MAPK14: variants seen among roughly 807,000 people sequenced by gnomAD.
MAPK14 encodes the protein mitogen-activated protein kinase 14.
Under a neutral mutation model 49.6 loss-of-function variants are expected in MAPK14, and 16 were observed. The observed-to-expected ratio is 0.32, with a 90% CI of 0.22 to 0.49. The LOEUF (loss-of-function observed/expected upper bound fraction) is 0.49, where lower values mean the gene tolerates loss of function less well. MAPK14 is among the 20% of genes least tolerant of loss of function. MAPK14 has a pLI of 0.99. For missense variants in MAPK14, 200 were observed against 441.2 expected, an observed-to-expected ratio of 0.45 and a Z score of 4.90; for synonymous variants, 142 against 158.0, an observed-to-expected ratio of 0.90 and a Z score of 0.76.
intron 3 of MAPK14, among the ~76,000 whole-genome samples, chr6:36,068,802 G>C (rs1764160621): frequency 6.6e-6 from 1 of 152,114 alleles, no homozygotes; most frequent in Admixed American, 6.5e-5. Flanking sequence ...CTGTAAAATG[G>C]GGTGCTGTCT....
At chr6:36,087,566 G>A (rs1765038069) in intron 8 of MAPK14, among the ~76,000 whole-genome samples, 1 of 151,810 alleles carries the variant, frequency 6.6e-6, no homozygotes, top group African/African-American at 2.4e-5. Context: ...CAGAACTATA[G>A]CTATTAATAA....
the MAPK14 span, among the ~76,000 whole-genome samples, chr6:36,117,129 C>T: frequency 9.9e-5 from 15 of 152,224 alleles, no homozygotes; most frequent in Admixed American, 7.9e-4. Context: ...TCTTGTTCAG[C>T]ACACACTGGG....
intron 3 of MAPK14, among the ~76,000 whole-genome samples, chr6:36,061,933 A>C (rs1763836818): frequency 1.3e-5 from 2 of 152,338 alleles, no homozygotes; most frequent in South Asian, 4.1e-4. Context: ...TGTGATGTTC[A>C]TATCACTGAA....
intron 8 of MAPK14, among the ~76,000 whole-genome samples, chr6:36,089,878 A>C (rs548460394): frequency 3.0e-4 from 45 of 152,364 alleles, no homozygotes; most frequent in Admixed American, 2.1e-3. Flanking sequence ...CTGCAGCTTA[A>C]GGAAGAGAGA....
At position 36,108,614 on chromosome 6, in the gene MAPK14, C is replaced by G. The variant is rs1436409415; in HGVS notation, c.*167C>G. ...TGTTAGTGTGTGTGCATGTGTGTGTCTGTCTTTGTGGGAGGGTAAGACAAT... is the reference window on the plus strand; with the variant it reads ...TGTTAGTGTGTGTGCATGTGTGTGTGTGTCTTTGTGGGAGGGTAAGACAAT... On this transcript the variant is annotated 3_prime_UTR_variant, in exon 12 of 12. Coordinates refer to ENST00000229794, the MANE Select transcript of MAPK14 (RefSeq NM_139012.3). 4 of 633,530 alleles carry G rather than the reference C, an allele frequency of 6.3e-6. No individual in the cohort carries two copies. In the East Asian group the frequency reaches 1.1e-4, roughly 18 times the overall value. 39.2% of individuals were successfully genotyped at this position (633,530 alleles called of 1,614,324 possible). A position where few individuals can be genotyped will look rare whatever the true frequency, so the allele number is the denominator to read the frequency against.
At chr6:36,050,897 A>G (rs920803375) in intron 1 of MAPK14, among the ~76,000 whole-genome samples, 3 of 152,062 alleles carry the variant, frequency 2.0e-5, no homozygotes, top group African/African-American at 7.2e-5. Flanking sequence ...GATTTATAGG[A>G]GTTTATCACA....
intron 8 of MAPK14, among the ~76,000 whole-genome samples, chr6:36,082,819 A>T (rs959596294): frequency 6.6e-6 from 1 of 152,170 alleles, no homozygotes; most frequent in Admixed American, 6.5e-5. Flanking sequence ...CAGTTTTCTG[A>T]GTATTTTAAT....
chr6:36,092,107 C>T (rs1765257992), intron 8 of MAPK14: 5 of 513,810 alleles, frequency 9.7e-6, no homozygotes, highest in South Asian at 7.1e-5. Flanking sequence ...AGCATCGAGT[C>T]CCTGCAGCAG....
In MAPK14 at chr6:36,042,415, A is replaced by T. The variant is rs145258761; in HGVS notation, c.117-10284A>T. ...CTCTGTTCATTTTGACTCCTCGGCT[A>T]GATTTCTTAGTTCCTTGAGGTCATA... On this transcript the variant is annotated intron_variant, in intron 1 of 11. Coordinates refer to ENST00000229794, the MANE Select transcript of MAPK14 (RefSeq NM_139012.3). 4.0e-5 allele frequency among the ~76,000 whole-genome samples: 6 copies of T among 150,964 alleles called. No homozygotes were observed. The East Asian group carries it at 1.2e-3, about 29-fold the overall frequency.
chr6:36,114,389 G>A (rs1398302907), downstream of MAPK14, among the ~76,000 whole-genome samples: 2 of 152,168 alleles, frequency 1.3e-5, no homozygotes, highest in African/African-American at 2.4e-5. Flanking sequence ...GGCCGAGGTG[G>A]GCGGATCACC....
intron 1 of MAPK14, among the ~76,000 whole-genome samples, chr6:36,034,755 G>T (rs1006726567): frequency 6.6e-6 from 1 of 150,450 alleles, no homozygotes. Context: ...ATGCTTCACA[G>T]ATAATTGCTT....
intron 3 of MAPK14, among the ~76,000 whole-genome samples, chr6:36,060,602 C>T (rs1185752154): frequency 2.6e-5 from 4 of 152,188 alleles, no homozygotes; most frequent in Non-Finnish European, 1.5e-5. Flanking sequence ...AGTTTCTCCT[C>T]ACCCTTATCC....
rs1296072004 is a variant in MAPK14 at position 36,028,348 on chromosome 6, C to T, written c.116+75C>T. 1 of 1,015,656 alleles carries T rather than the reference C, an allele frequency of 9.8e-7. No individual in the cohort carries two copies. The highest frequency in any genetic ancestry group is 1.5e-6 in the Non-Finnish European group (1 of 657,066). 62.9% of individuals were successfully genotyped at this position (1,015,656 alleles called of 1,614,324 possible). Reference sequence around the variant, plus strand: ...CCCGAGGGCCAGGCCTGCTCCACTGCTCAGCGTTGCGTCAAGTGGCAGGAA... The same window carrying T: ...CCCGAGGGCCAGGCCTGCTCCACTGTTCAGCGTTGCGTCAAGTGGCAGGAA... On this transcript the variant is annotated intron_variant, in intron 1 of 11. Coordinates refer to ENST00000229794, the MANE Select transcript of MAPK14 (RefSeq NM_139012.3). The surrounding 1 kb of genome is among the most constrained non-coding windows in gnomAD (Gnocchi z 5.1).
chr6:36,121,646 C>G, the MAPK14 span, among the ~76,000 whole-genome samples: 1 of 152,218 alleles, frequency 6.6e-6, no homozygotes, highest in Non-Finnish European at 1.5e-5. Flanking sequence ...ACAGTGGTGT[C>G]CTGGAGCTCT....
intron 3 of MAPK14, among the ~76,000 whole-genome samples, chr6:36,061,191 C>T (rs964636991): frequency 6.6e-6 from 1 of 152,098 alleles, no homozygotes; most frequent in South Asian, 2.1e-4. Flanking sequence ...TGAGCTGTAT[C>T]CCAAAATTTT....
At position 36,028,236 on chromosome 6, in the gene MAPK14, C is replaced by T. The variant is rs1562089664; in HGVS notation, c.79C>T (p.Leu27=). Residue 27 remains leucine (L), a synonymous_variant, in exon 1 of 12, where the codon CTG becomes TTG. Coordinates refer to ENST00000229794, the MANE Select transcript of MAPK14 (RefSeq NM_139012.3). The surrounding 1 kb of genome is among the most constrained non-coding windows in gnomAD (Gnocchi z 5.1). ...GGAGGTGCCCGAGCGTTACCAGAAC[C>T]TGTCTCCAGTGGGCTCTGGCGCCTA... The part of the protein sequence containing the change: ...IWEVPERYQN[L]SPVGSGAYGS... The T allele has an allele frequency of 1.2e-6, 2 of 1,613,832 alleles. No individual in the cohort carries two copies. Among genetic ancestry groups the T allele is most frequent in the Non-Finnish European group, 8.5e-7 (1 of 1,179,780 alleles).
At chr6:36,083,993 A>G (rs1463340457) in intron 8 of MAPK14, among the ~76,000 whole-genome samples, 1 of 152,148 alleles carries the variant, frequency 6.6e-6, no homozygotes, top group Non-Finnish European at 1.5e-5. Flanking sequence ...CAGAGGAAGG[A>G]ACAGGCAGCC....
intron 1 of MAPK14, among the ~76,000 whole-genome samples, chr6:36,041,398 A>G (rs1171150160): frequency 2.0e-5 from 3 of 152,000 alleles, no homozygotes; most frequent in Non-Finnish European, 4.4e-5. Context: ...TGAATTCATT[A>G]TCTGATAGTC....
intron 1 of MAPK14, among the ~76,000 whole-genome samples, chr6:36,032,835 C>T (rs1410540826): frequency 6.6e-6 from 1 of 152,178 alleles, no homozygotes; most frequent in Non-Finnish European, 1.5e-5. Context: ...AAGTATATAA[C>T]AAAACCTTTG....
Sources: allele counts gnomAD v4.1 joint callset (sites outside exome capture counted in the v4.1 genomes callset), GRCh38; gene constraint gnomAD v4.1.1; non-coding constraint Gnocchi (gnomAD v3.1); transcripts MANE v1.5; gene names NCBI Gene and HGNC (gene_info 2026-07-23, HGNC 2026-07-21).